Variants in ACAP2 observed in about 807,000 individuals in gnomAD.
ACAP2 encodes ArfGAP with coiled-coil, ankyrin repeat and PH domains 2.
Under a neutral mutation model 115.8 loss-of-function variants are expected in ACAP2, and 39 were observed. The ratio of observed to expected loss-of-function variants is 0.34; its 90% CI spans 0.26 to 0.44. ACAP2 has a LOEUF of 0.44. Among genes scored for constraint, ACAP2 ranks in the 20% least tolerant of loss-of-function variants. The pLI is 1.00. For synonymous variants in ACAP2, 289 were observed against 315.8 expected, an observed-to-expected ratio of 0.92 and a Z score of 0.90; for missense variants, 662 against 927.6, an observed-to-expected ratio of 0.71 and a Z score of 3.72.
chr3:195,306,593 G>T lies in ACAP2; in HGVS notation c.1034C>A (p.Ser345Tyr). 6.2e-7 allele frequency: 1 copy of T among 1,612,556 alleles called. No homozygotes were observed. The change falls in exon 13 of 23, where the codon TCC becomes TAC. Residue 345 changes from serine (S) to tyrosine (Y), a missense_variant. By Grantham distance (144) the Ser-to-Tyr change is moderately radical. Transcript: ENST00000326793. ...PTKSCMLQAD[S>Y]EKLRQAWIKA... is the part of the protein sequence containing the mutation. ...AATCCATGCCTGGCGCAGCTTTTCG[G>T]AATCTGCCTGGAGCATGCAACTTCT... is the stretch of plus-strand genomic sequence containing the variant.
At position 195,325,414 on chromosome 3, in the gene ACAP2, A is replaced by ATTT. The variant is rs746254101; in HGVS notation, c.744+1468_744+1470dup. 471 of 321,366 alleles carry ATTT rather than the reference A, an allele frequency of 1.5e-3. 1 individual carries two copies. Among genetic ancestry groups the ATTT allele is most frequent in the South Asian group, 2.3e-3 (110 of 48,374 alleles). 19.9% of individuals were successfully genotyped at this position (321,366 alleles called of 1,614,324 possible). On this transcript the variant is annotated intron_variant, in intron 9 of 22. Coordinates refer to ENST00000326793, the MANE Select transcript of ACAP2 (RefSeq NM_012287.6). ...CTTTCCCTTAGTTTTTAGTGGACTG[A>ATTT]TTTTTTTTTTTTTTTTTTTTTTTTT...
At chr3:195,394,312 G>A (rs1271055220) in intron 1 of ACAP2, among the ~76,000 whole-genome samples, 1 of 152,134 alleles carries the variant, frequency 6.6e-6, no homozygotes, top group Non-Finnish European at 1.5e-5. Flanking sequence ...TACGCTAATT[G>A]TCAGATACCC....
intron 7 of ACAP2, chr3:195,335,764 A>G (rs1338574463): frequency 6.6e-6 from 1 of 152,228 alleles, no homozygotes; most frequent in African/African-American, 2.4e-5. Context: ...ATCTAAGGCA[A>G]CTTAAGCATA....
At chr3:195,394,266 A>G (rs1185092005) in intron 1 of ACAP2, among the ~76,000 whole-genome samples, 1 of 152,148 alleles carries the variant, frequency 6.6e-6, no homozygotes, top group African/African-American at 2.4e-5. Context: ...ACACGCAAAC[A>G]AAATGTTTGT....
rs1490208991 is a variant in ACAP2 at position 195,275,915 on chromosome 3, G to A, written c.*3413C>T. 6.6e-6 allele frequency: 1 copy of A among 152,578 alleles called. No homozygotes were observed. The highest frequency in any genetic ancestry group is 1.5e-5 in the Non-Finnish European group (1 of 68,028). 9.5% of individuals were successfully genotyped at this position (152,578 alleles called of 1,614,324 possible). A position where few individuals can be genotyped will look rare whatever the true frequency, so the allele number is the denominator to read the frequency against. ...AATCCAAAAAGGGTAGTGACGACTA[G>A]TCCAGTGCTCCTTCCACCGTATCAT... On this transcript the variant is annotated 3_prime_UTR_variant, in exon 23 of 23. Transcript: ENST00000326793.
chr3:195,290,812 C>CA (rs1236281840), intron 20 of ACAP2, among the ~76,000 whole-genome samples: 1 of 126,160 alleles, frequency 7.9e-6, no homozygotes, highest in African/African-American at 3.4e-5. Flanking sequence ...GACTTTATCT[C>CA]AAAATAAATA....
chr3:195,353,493 A>G (rs952158790), intron 4 of ACAP2, among the ~76,000 whole-genome samples: 3 of 152,240 alleles, frequency 2.0e-5, no homozygotes, highest in African/African-American at 7.2e-5. Context: ...CCTCAAAATA[A>G]CACTGAAGAA....
chr3:195,319,475 C>T (rs992312280), intron 10 of ACAP2, among the ~76,000 whole-genome samples: 25 of 152,220 alleles, frequency 1.6e-4, no homozygotes, highest in African/African-American at 5.5e-4. Flanking sequence ...CTCTGCAGAG[C>T]CACAGAGGTG....
At position 195,339,186 on chromosome 3, in the gene ACAP2, G is replaced by A. The variant is rs546302317; in HGVS notation, c.529-2210C>T. ...GCGGAGGTTGCAGTGAGCTGGGATC[G>A]CACCACTGCACTCCAGCCTGGGCGA... is the stretch of plus-strand genomic sequence containing the variant. On this transcript the variant is annotated intron_variant, in intron 6 of 22. Transcript: ENST00000326793. 9.2e-5 allele frequency among the ~76,000 whole-genome samples: 14 copies of A among 152,010 alleles called. No homozygotes were observed. The South Asian group carries it at 1.0e-3, about 11-fold the overall frequency.
In ACAP2 at chr3:195,295,703, C is replaced by T; in HGVS notation, c.1672+5G>A. ...CTATAGACACAGTAAGAAAGTTTGC[C>T]ATACCTGAACTTTGGGCAGATGCTC... is the stretch of plus-strand genomic sequence containing the variant. On this transcript the variant is annotated splice_donor_5th_base_variant and intron_variant, in intron 17 of 22. Coordinates refer to ENST00000326793, the MANE Select transcript of ACAP2 (RefSeq NM_012287.6). 2.5e-6 allele frequency: 4 copies of T among 1,613,966 alleles called. No homozygotes were observed. The highest frequency in any genetic ancestry group is 3.4e-6 in the Non-Finnish European group (4 of 1,179,952).
rs771153767 is a variant in ACAP2 at position 195,417,398 on chromosome 3, A to T, written c.54-25251T>A. On this transcript the variant is annotated intron_variant, in intron 1 of 22. Transcript: ENST00000326793. ...ACCATTCACAGTTGCTCAAGACATA[A>T]ATCTAGACATCATCCTGAATTCCTT... 3.4e-4 allele frequency among the ~76,000 whole-genome samples: 51 copies of T among 152,194 alleles called. No homozygotes were observed. The Middle Eastern group carries it at 0.017, about 51-fold the overall frequency.
At chr3:195,389,868 G>T (rs1734542439) in intron 2 of ACAP2, among the ~76,000 whole-genome samples, 1 of 152,236 alleles carries the variant, frequency 6.6e-6, no homozygotes, top group South Asian at 2.1e-4. Flanking sequence ...ATCCTGAAGT[G>T]CAGTGATGCG....
intron 4 of ACAP2, chr3:195,356,041 C>T (rs1209823109): frequency 2.2e-6 from 1 of 451,394 alleles, no homozygotes; most frequent in African/African-American, 2.0e-5. Context: ...TCATAAGAAC[C>T]AAAAATCATG....
At chr3:195,374,894 T>C (rs1018268493) in intron 4 of ACAP2, among the ~76,000 whole-genome samples, 1 of 151,944 alleles carries the variant, frequency 6.6e-6, no homozygotes, top group Non-Finnish European at 1.5e-5. Flanking sequence ...CTCAGCCTTA[T>C]TTTTTAAAAC....
chr3:195,362,863 GA>G (rs949744405), intron 4 of ACAP2, among the ~76,000 whole-genome samples: 110 of 152,262 alleles, frequency 7.2e-4, no homozygotes, highest in African/African-American at 2.5e-3. Context: ...AGTGAATGGG[GA>G]AAAACTGAAA....
At chr3:195,376,224 T>C (rs527543084) in intron 4 of ACAP2, among the ~76,000 whole-genome samples, 8 of 152,158 alleles carry the variant, frequency 5.3e-5, no homozygotes, top group African/African-American at 1.4e-4. Context: ...TGAAACCCCA[T>C]CTCTACTGAA....
At chr3:195,398,414 G>A (rs1291967839) in intron 1 of ACAP2, among the ~76,000 whole-genome samples, 2 of 152,108 alleles carry the variant, frequency 1.3e-5, no homozygotes, top group Non-Finnish European at 2.9e-5. Flanking sequence ...GGAGGCCAAG[G>A]CAGGTAGATC....
intron 8 of ACAP2, among the ~76,000 whole-genome samples, chr3:195,327,716 G>A (rs1729886310): frequency 6.6e-6 from 1 of 152,058 alleles, no homozygotes; most frequent in South Asian, 2.1e-4. Context: ...CGGATCACGA[G>A]GTCAGGACTT....
chr3:195,354,456 G>A (rs1384887356), intron 4 of ACAP2, among the ~76,000 whole-genome samples: 1 of 152,124 alleles, frequency 6.6e-6, no homozygotes, highest in African/African-American at 2.4e-5. Flanking sequence ...TTTTTTATAT[G>A]AGTGTTAGCC....
Sources: allele counts gnomAD v4.1 joint callset (sites outside exome capture counted in the v4.1 genomes callset), GRCh38; gene constraint gnomAD v4.1.1; transcripts MANE v1.5; gene names NCBI Gene and HGNC (gene_info 2026-07-23, HGNC 2026-07-21).